OSBPL6: variants seen among roughly 807,000 people sequenced by gnomAD.
The protein encoded by OSBPL6 is oxysterol-binding protein-related protein 6.
In OSBPL6, 49 loss-of-function variants were observed where a neutral mutation model predicts 125.8. The observed-to-expected ratio is 0.39, with a 90% CI of 0.31 to 0.49. The LOEUF (loss-of-function observed/expected upper bound fraction) is 0.49. OSBPL6 is among the 20% of genes least tolerant of loss of function. The probability of loss-of-function intolerance (pLI) is 0.88; values close to 1 mark genes in which losing one functional copy is unlikely to be tolerated. For missense variants in OSBPL6, 986 were observed against 1,135.4 expected (o/e 0.87, Z 1.89); for synonymous variants, 394 against 391.8 (o/e 1.01, Z -0.07).
At chr2:178,229,617 C>T (rs2090729168) in intron 1 of OSBPL6, among the ~76,000 whole-genome samples, 1 of 152,148 alleles carries the variant, frequency 6.6e-6, no homozygotes, top group African/African-American at 2.4e-5. Flanking sequence ...ATCTTTTGAG[C>T]TCAGGAGTTT....
chr2:178,400,283 A>ACT lies in OSBPL6; in HGVS notation c.*4725_*4726dup, dbSNP rs1468953878. 7.2e-6 allele frequency: 1 copy of ACT among 139,524 alleles called. No homozygotes were observed. Among genetic ancestry groups the ACT allele is most frequent in the East Asian group, 2.3e-4 (1 of 4,434 alleles). The allele number at this position is 139,524 out of a possible 1,614,324, so 8.6% of individuals were successfully genotyped here. On this transcript the variant is annotated 3_prime_UTR_variant, in exon 25 of 25. Transcript: ENST00000190611. ...TTGTTAATTTTATTGATATTGCTGT[A>ACT]CTTTTTTTTTTTTTTTTGAGACAGA...
chr2:178,361,241 T>C (rs1432520961), intron 12 of OSBPL6, among the ~76,000 whole-genome samples: 2 of 152,230 alleles, frequency 1.3e-5, no homozygotes, highest in African/African-American at 2.4e-5. Context: ...AATGCTCTTT[T>C]TGGGTGCATG....
At chr2:178,266,169 G>A (rs989262732) in intron 1 of OSBPL6, among the ~76,000 whole-genome samples, 1 of 152,196 alleles carries the variant, frequency 6.6e-6, no homozygotes, top group African/African-American at 2.4e-5. Context: ...AGCAGGGGCA[G>A]ATCACACTGA....
At chr2:178,370,394 G>A (rs535321261) in intron 13 of OSBPL6, among the ~76,000 whole-genome samples, 110 of 152,202 alleles carry the variant, frequency 7.2e-4, no homozygotes, top group Non-Finnish European at 1.4e-3. Context: ...AGGCAACTAT[G>A]CATTTACTTG....
At chr2:178,203,780 G>C (rs1559111708) in intron 1 of OSBPL6, among the ~76,000 whole-genome samples, 1 of 152,194 alleles carries the variant, frequency 6.6e-6, no homozygotes, top group African/African-American at 2.4e-5. Flanking sequence ...AGTGGGACCA[G>C]ATAGTGCTCA....
At chr2:178,223,246 A>G (rs979783965) in intron 1 of OSBPL6, among the ~76,000 whole-genome samples, 2 of 152,218 alleles carry the variant, frequency 1.3e-5, no homozygotes, top group Non-Finnish European at 1.5e-5. Context: ...TCGCATCTCT[A>G]TTATTCAGAT....
Position 178,389,020 on chromosome 2 carries a change from AC to A in OSBPL6, c.2169del (p.Tyr724MetfsTer20). Reference sequence around the variant, plus strand: ...ACATTCTTCACTAGGTATGGAGATTACTATGTGTGGAATAAAGTCACCACTT... The same window carrying A: ...ACATTCTTCACTAGGTATGGAGATTATATGTGTGGAATAAAGTCACCACTT... ...LNVMLPKYGDYYVWNKVTTCI... is the reference protein window; with the variant it reads ...LNVMLPKYGDXYVWNKVTTCI... On this transcript the variant is annotated frameshift_variant, in exon 21 of 25. Coordinates refer to ENST00000190611, the MANE Select transcript of OSBPL6 (RefSeq NM_032523.4). LOFTEE classifies it high-confidence loss of function. 1.2e-6 allele frequency: 2 copies of A among 1,613,894 alleles called. No homozygotes were observed. The highest frequency in any genetic ancestry group is 1.7e-6 in the Non-Finnish European group (2 of 1,179,954).
intron 3 of OSBPL6, among the ~76,000 whole-genome samples, chr2:178,315,706 A>C (rs1246214162): frequency 6.6e-6 from 1 of 152,172 alleles, no homozygotes; most frequent in Non-Finnish European, 1.5e-5. Flanking sequence ...CAAGATTAGC[A>C]CTGCCTGTTC....
At chr2:178,390,982 T>G (rs1695354597) in intron 21 of OSBPL6, 91 bp from the exon 22 acceptor site, 1 of 1,542,668 alleles carries the variant, frequency 6.5e-7, no homozygotes, top group South Asian at 1.2e-5. Flanking sequence ...AATAAGGGAC[T>G]TCAAGGCTAA....
In OSBPL6 at chr2:178,391,920, C is replaced by T. The variant is rs188115115; in HGVS notation, c.2447-492C>T. 6.6e-5 allele frequency among the ~76,000 whole-genome samples: 10 copies of T among 152,342 alleles called. No homozygotes were observed. In the East Asian group the frequency reaches 7.7e-4, roughly 12 times the overall value. ...AACTATTTATTGAGTGCTGGCTGTA[C>T]ATCAGGCTTTATTCCAGGAGCTCGG... On this transcript the variant is annotated intron_variant, in intron 22 of 24. Transcript: ENST00000190611.
At chr2:178,219,522 C>T (rs1037284999) in intron 1 of OSBPL6, among the ~76,000 whole-genome samples, 3 of 152,092 alleles carry the variant, frequency 2.0e-5, no homozygotes, top group Non-Finnish European at 4.4e-5. Flanking sequence ...AATGAGGAGC[C>T]AGAGAAAGTG....
At chr2:178,236,137 A>G (rs568479940) in intron 1 of OSBPL6, among the ~76,000 whole-genome samples, 90 of 152,318 alleles carry the variant, frequency 5.9e-4, no homozygotes, top group Middle Eastern at 6.8e-3. Context: ...TCTCTTAAAA[A>G]TTAAATTATC....
intron 2 of OSBPL6, among the ~76,000 whole-genome samples, chr2:178,305,500 G>A (rs1686679080): frequency 6.6e-6 from 1 of 152,230 alleles, no homozygotes; most frequent in Admixed American, 6.5e-5. Flanking sequence ...TAGGCATGCT[G>A]TAGTTTTGAG....
chr2:178,381,329 G>A (rs767655879), intron 15 of OSBPL6, among the ~76,000 whole-genome samples: 1 of 152,010 alleles, frequency 6.6e-6, no homozygotes, highest in Non-Finnish European at 1.5e-5. Context: ...TCTCCCCATT[G>A]TCACAGAGGC....
At chr2:178,213,112 C>T (rs1267564253) in intron 1 of OSBPL6, among the ~76,000 whole-genome samples, 4 of 152,190 alleles carry the variant, frequency 2.6e-5, no homozygotes, top group Non-Finnish European at 5.9e-5. Context: ...CGGCCGAGCA[C>T]GGACCCTCTT....
At chr2:178,208,283 C>T (rs1309241513) in intron 1 of OSBPL6, among the ~76,000 whole-genome samples, 1 of 134,514 alleles carries the variant, frequency 7.4e-6, no homozygotes. Context: ...AAGACTCTGT[C>T]TAAAAAAAAA....
chr2:178,361,718 C>T lies in OSBPL6; in HGVS notation c.1190C>T (p.Ala397Val). The change falls in exon 13 of 25, where the codon GCT becomes GTT. Residue 397 changes from alanine (A) to valine (V), a missense_variant. Physicochemically the swap from Ala to Val is moderately conservative, Grantham distance 64. Around this residue, in one of 3 missense-constraint regions of OSBPL6, gnomAD observed 843 missense variants for 997.3 expected, o/e 0.85. Coordinates refer to ENST00000190611, the MANE Select transcript of OSBPL6 (RefSeq NM_032523.4). ...SLLKSAFNSI[A>V]IEKEKLKQMV... Reference sequence around the variant, plus strand: ...TTGAAGTCTGCATTTAATAGCATAGCTATAGAGAAGGAGAAGCTGAAGCAG... The same window carrying T: ...TTGAAGTCTGCATTTAATAGCATAGTTATAGAGAAGGAGAAGCTGAAGCAG... 2 of 1,614,098 alleles carry T rather than the reference C, an allele frequency of 1.2e-6. No individual in the cohort carries two copies. The highest frequency in any genetic ancestry group is 1.7e-6 in the Non-Finnish European group (2 of 1,179,988).
At chr2:178,203,726 A>C (rs916660873) in intron 1 of OSBPL6, among the ~76,000 whole-genome samples, 1 of 152,222 alleles carries the variant, frequency 6.6e-6, no homozygotes, top group Admixed American at 6.5e-5. Context: ...TAATTTACTT[A>C]GAAATAGTTT....
chr2:178,388,349 CTG>C (rs918030589), intron 20 of OSBPL6, among the ~76,000 whole-genome samples: 7 of 152,208 alleles, frequency 4.6e-5, no homozygotes, highest in African/African-American at 1.7e-4. Context: ...AGTGCACACT[CTG>C]TGGTGCCTCC....
Sources: gnomAD v4.1 joint callset for allele counts (sites outside exome capture counted in the v4.1 genomes callset) on GRCh38, gnomAD v4.1.1 for gene constraint, gnomAD v4.1.1 regional missense constraint, MANE v1.5 for transcripts, NCBI Gene and HGNC (gene_info 2026-07-23, HGNC 2026-07-21) for gene names.